The following DNMT3B variants were observed in gnomAD, a reference collection of about 807,000 sequenced individuals.
DNMT3B encodes DNA (cytosine-5)-methyltransferase 3B.
Under a neutral mutation model 120.2 loss-of-function variants are expected in DNMT3B, and 37 were observed. That is an observed-to-expected ratio of 0.31 (90% CI 0.24 to 0.40). The LOEUF (loss-of-function observed/expected upper bound fraction) is 0.40, where lower values mean the gene tolerates loss of function less well. Among genes scored for constraint, DNMT3B ranks in the 10% least tolerant of loss-of-function variants. DNMT3B has a pLI of 1.00. For synonymous variants in DNMT3B, 412 were observed against 442.8 expected (o/e 0.93, Z 0.87); for missense variants, 878 against 1,137.3 (o/e 0.77, Z 3.28).
chr20:32,798,830 A>G (rs757845106), intron 15 of DNMT3B, among the ~76,000 whole-genome samples, 187 bp downstream of exon 15: 1 of 151,720 alleles, frequency 6.6e-6, no homozygotes. Flanking sequence ...GGGTTCATTC[A>G]CTCCCTCCTT....
At chr20:32,806,403 C>T in intron 22 of DNMT3B, 76 bp downstream of exon 22, 1 of 1,368,138 alleles carries the variant, frequency 7.3e-7, no homozygotes, top group Non-Finnish European at 1.0e-6. Context: ...AGGTGCTTAC[C>T]TTCATTCTTG....
chr20:32,765,884 T>C (rs1185484933), intron 1 of DNMT3B, among the ~76,000 whole-genome samples: 2 of 151,194 alleles, frequency 1.3e-5, no homozygotes, highest in African/African-American at 4.9e-5. Context: ...GCCTCCCAAG[T>C]AGCTGGGACT....
chr20:32,800,338 G>A (rs751624333), intron 17 of DNMT3B, 40 bp downstream of exon 17: 2 of 1,613,340 alleles, frequency 1.2e-6, no homozygotes, highest in Middle Eastern at 1.8e-4. Flanking sequence ...ATCTCTTCCT[G>A]TCTTTTTCCC....
chr20:32,805,314 G>A, intron 20 of DNMT3B, 24 bp from the exon 21 acceptor site: 1 of 1,614,138 alleles, frequency 6.2e-7, no homozygotes, highest in Non-Finnish European at 8.5e-7. Flanking sequence ...CTAGTAAGAA[G>A]TAATGGGTTT....
chr20:32,795,677 A>T lies in DNMT3B; in HGVS notation c.1280A>T (p.Asn427Ile), dbSNP rs1024581545. 2 of 1,614,028 alleles carry T rather than the reference A, an allele frequency of 1.2e-6. No individual in the cohort carries two copies. The highest frequency in any genetic ancestry group is 8.5e-7 in the Non-Finnish European group (1 of 1,180,042). ...CAAATGGCTTCAGATGTTGCCAACAACAAGAGCAGCCTGGAAGGTAACGTT... is the reference window on the plus strand; with the variant it reads ...CAAATGGCTTCAGATGTTGCCAACATCAAGAGCAGCCTGGAAGGTAACGTT... ...REQMASDVAN[N>I]KSSLEDGCLS... The change falls in exon 12 of 23, where the codon AAC becomes ATC. Residue 427 changes from asparagine (N) to isoleucine (I), a missense_variant. Physicochemically the swap from Asn to Ile is moderately radical, Grantham distance 149. Transcript: ENST00000328111.
At chr20:32,767,696 A>T (rs568008409) in intron 1 of DNMT3B, among the ~76,000 whole-genome samples, 1 of 152,304 alleles carries the variant, frequency 6.6e-6, no homozygotes, top group South Asian at 2.1e-4. Flanking sequence ...AGTCTCCGAA[A>T]GTGCTGGGAC....
At position 32,807,864 on chromosome 20, in the gene DNMT3B, C is replaced by A; in HGVS notation, c.2523C>A (p.His841Gln). 6.2e-7 allele frequency: 1 copy of A among 1,614,260 alleles called. No individual in the cohort carries two copies. The highest frequency in any genetic ancestry group is 8.5e-7 in the Non-Finnish European group (1 of 1,180,052). Residue 841 changes from histidine (H) to glutamine (Q), a missense_variant, in exon 23 of 23, where the codon CAC (histidine) becomes CAA (glutamine). His to Gln is a conservative substitution (Grantham distance 24). Transcript: ENST00000328111. ...GRSWSVPVIRHLFAPLKDYFA... is the reference protein window; with the variant it reads ...GRSWSVPVIRQLFAPLKDYFA... ...CCTGGAGCGTGCCTGTCATCCGACA[C>A]CTCTTCGCCCCTCTGAAGGACTACT...
chr20:32,794,701 C>T (rs1311325205), intron 10 of DNMT3B, among the ~76,000 whole-genome samples: 3 of 152,076 alleles, frequency 2.0e-5, no homozygotes, highest in Non-Finnish European at 4.4e-5. Flanking sequence ...CGCTAAATTT[C>T]CAAGATGTTA....
At chr20:32,798,667 A>G (rs1980952043) in intron 15 of DNMT3B, 24 bp downstream of exon 15, 2 of 1,613,596 alleles carry the variant, frequency 1.2e-6, no homozygotes, top group South Asian at 1.1e-5. Context: ...TCCCGCCTCT[A>G]CCACCACAGA....
At position 32,800,299 on chromosome 20, in the gene DNMT3B, GTGAGGGCAGTCTGTACCT is replaced by G; in HGVS notation, c.1905+4_1905+21del. 6.2e-7 allele frequency: 1 copy of G among 1,614,190 alleles called. No homozygotes were observed. On this transcript the variant is annotated splice_donor_variant and splice_donor_5th_base_variant and intron_variant, in intron 17 of 22. Coordinates refer to ENST00000328111, the MANE Select transcript of DNMT3B (RefSeq NM_006892.4). LOFTEE classifies it high-confidence loss of function. ...CGTGAGGAACATCACAAAGAAAAAT[GTGAGGGCAGTCTGTACCT>G]TGCGGGCCTCATCTCTTCCTGTCTT...
At chr20:32,780,021 A>T in intron 1 of DNMT3B, 1 of 1,504,610 alleles carries the variant, frequency 6.6e-7, no homozygotes, top group Non-Finnish European at 9.1e-7. Flanking sequence ...GGGGCCGGCT[A>T]ATTGCACAGA....
chr20:32,776,640 A>T (rs1204088969), intron 1 of DNMT3B, among the ~76,000 whole-genome samples: 1 of 152,218 alleles, frequency 6.6e-6, no homozygotes, highest in Non-Finnish European at 1.5e-5. Context: ...AAACAGGAAT[A>T]ACAGTACTTA....
rs748988879 is a variant in DNMT3B, at chr20:32,800,275, G to T, written c.1882G>T (p.Val628Leu). 1 of 1,614,170 alleles carries T rather than the reference G, an allele frequency of 6.2e-7. No individual in the cohort carries two copies. Among genetic ancestry groups the T allele is most frequent in the Non-Finnish European group, 8.5e-7 (1 of 1,180,034 alleles). The change falls in exon 17 of 23, where the codon GTG (valine) becomes TTG (leucine). Residue 628 changes from valine to leucine, a missense_variant. Physicochemically the swap from Val to Leu is conservative, Grantham distance 32. This residue lies in a region of DNMT3B where 334 missense variants were observed against 518.8 expected (regional missense o/e 0.64). Coordinates refer to ENST00000328111, the MANE Select transcript of DNMT3B (RefSeq NM_006892.4). ...HEGNIKYVND[V>L]RNITKKNIEE... ...GGGGAATATCAAATACGTGAACGAC[G>T]TGAGGAACATCACAAAGAAAAATGT...
At position 32,788,031 on chromosome 20, in the gene DNMT3B, G is replaced by A. The variant is rs548268950; in HGVS notation, c.654+580G>A. ...AATGTCATCACTTAAGGCAAGGACC[G>A]GCCATTTATACTTCTTTTATGGTGG... is the stretch of plus-strand genomic sequence containing the variant. On this transcript the variant is annotated intron_variant, in intron 6 of 22. Transcript: ENST00000328111. Among the ~76,000 whole-genome samples, 7 of 152,244 alleles carry A rather than the reference G, an allele frequency of 4.6e-5. No individual in the cohort carries two copies. The South Asian group carries it at 8.3e-4, about 18-fold the overall frequency.
chr20:32,787,343 G>A lies in DNMT3B; in HGVS notation c.546G>A (p.Gln182=). The A allele has an allele frequency of 6.2e-7, 1 of 1,614,230 alleles. No homozygotes were observed. Residue 182 remains glutamine (Q), a synonymous_variant, in exon 6 of 23, where the codon CAG becomes CAA. Coordinates refer to ENST00000328111, the MANE Select transcript of DNMT3B (RefSeq NM_006892.4). The part of the protein sequence containing the change: ...DDTEDTHGTP[Q]SSSTPYARLA... ...CAGAGGACACACATGGGACGCCCCA[G>A]AGCAGCAGTACCCCCTACGCCCGCC...
At chr20:32,783,383 C>A (rs187239933) in intron 3 of DNMT3B, among the ~76,000 whole-genome samples, 1 of 152,298 alleles carries the variant, frequency 6.6e-6, no homozygotes, top group East Asian at 1.9e-4. Flanking sequence ...AAGCTTTCTA[C>A]TTCATTTACT....
rs760759745 is a variant in DNMT3B, at chr20:32,800,936, TTC to T, written c.1996+17_1996+18del. 21 of 1,614,022 alleles carry T rather than the reference TTC, an allele frequency of 1.3e-5. No individual in the cohort carries two copies. Among genetic ancestry groups the T allele is most frequent in the Non-Finnish European group, 1.6e-5 (19 of 1,179,980 alleles). On this transcript the variant is annotated intron_variant, in intron 18 of 22. Transcript: ENST00000328111. ...GGAAAGGCCTGTATGGTGAGCATCC[TTC>T]TCTCTGGCAGTCCCTGGAGAGCCTA...
In DNMT3B at chr20:32,787,337, G is replaced by A. The variant is rs1979434120; in HGVS notation, c.540G>A (p.Thr180=). 11 of 1,614,050 alleles carry A rather than the reference G, an allele frequency of 6.8e-6. No homozygotes were observed. Among genetic ancestry groups the A allele is most frequent in the East Asian group, 2.2e-5 (1 of 44,896 alleles). Residue 180 remains threonine, a synonymous_variant, in exon 6 of 23, where the codon ACG becomes ACA. Transcript: ENST00000328111. The stretch of plus-strand genomic sequence containing the variant: ...ACGACACAGAGGACACACATGGGAC[G>A]CCCCAGAGCAGCAGTACCCCCTACG... ...LTDDTEDTHG[T]PQSSSTPYAR...
At chr20:32,793,098 T>C (rs987254412) in intron 9 of DNMT3B, among the ~76,000 whole-genome samples, 1 of 148,204 alleles carries the variant, frequency 6.7e-6, no homozygotes, top group Admixed American at 6.8e-5. Flanking sequence ...TTGGAAAGTG[T>C]TAAAGAAGAA....
Sources: gnomAD v4.1 joint callset for allele counts (sites outside exome capture counted in the v4.1 genomes callset) on GRCh38, gnomAD v4.1.1 for gene constraint, gnomAD v4.1.1 regional missense constraint, MANE v1.5 for transcripts, NCBI Gene and HGNC (gene_info 2026-07-23, HGNC 2026-07-21) for gene names.